SLC37A1: variants seen among roughly 807,000 people sequenced by gnomAD.
SLC37A1 encodes the protein glucose-6-phosphate exchanger SLC37A1.
SLC37A1 carries 49 observed loss-of-function variants against 75.3 expected under a neutral mutation model. The observed-to-expected ratio is 0.65, with a 90% CI of 0.52 to 0.83. The LOEUF (loss-of-function observed/expected upper bound fraction) is 0.83. Ranked by LOEUF, SLC37A1 falls within the 40% of genes least tolerant of loss-of-function variation. The pLI, the probability that SLC37A1 is intolerant of heterozygous loss-of-function variation, is 0.00. For missense variants in SLC37A1, 566 were observed against 695.0 expected, an observed-to-expected ratio of 0.81 and a Z score of 2.09; for synonymous variants, 268 against 292.1, an observed-to-expected ratio of 0.92 and a Z score of 0.84.
Position 42,547,160 on chromosome 21 carries a change from G to A in SLC37A1, c.768+20G>A. 6.2e-7 allele frequency: 1 copy of A among 1,614,150 alleles called. No individual in the cohort carries two copies. The stretch of plus-strand genomic sequence containing the variant: ...GTGACGGTAAGGACCCTGTTTTCTT[G>A]TCCTTTTCTAGAACAGTGTGCGGTT... On this transcript the variant is annotated intron_variant, in intron 9 of 19. Transcript: ENST00000352133. The surrounding 1 kb of genome is among the most constrained non-coding windows in gnomAD (Gnocchi z 6.1).
intron 6 of SLC37A1, 70 bp from the exon 7 acceptor site, chr21:42,542,334 T>C (rs1016225340): frequency 1.4e-6 from 2 of 1,407,660 alleles, no homozygotes; most frequent in African/African-American, 2.8e-5. Flanking sequence ...GCAAGCTCTG[T>C]GCACCTCCCT....
rs1569047824 is a variant in SLC37A1, at chr21:42,574,905, G to T, written c.1511G>T (p.Cys504Phe). ...VFYMLMFADACALLFLIRLIH... is the reference protein window; with the variant it reads ...VFYMLMFADAFALLFLIRLIH... ...TACATGCTGATGTTTGCAGATGCCT[G>T]TGCCTTACTGGTAAGTCGGCCTATT... is the stretch of plus-strand genomic sequence containing the variant. The change falls in exon 18 of 20, where the codon TGT becomes TTT. Residue 504 changes from cysteine to phenylalanine, a missense_variant. By Grantham distance (205) the Cys-to-Phe change is radical (BLOSUM62 -2). Transcript: ENST00000352133. The T allele has an allele frequency of 6.2e-7, 1 of 1,614,166 alleles. No homozygotes were observed. The highest frequency in any genetic ancestry group is 8.5e-7 in the Non-Finnish European group (1 of 1,180,010).
chr21:42,503,392 G>A (rs1442452835), intron 2 of SLC37A1, among the ~76,000 whole-genome samples: 1 of 151,628 alleles, frequency 6.6e-6, no homozygotes, highest in African/African-American at 2.4e-5. Flanking sequence ...TGGGAATACA[G>A]GTGCCTACCA....
At chr21:42,561,998 C>A in intron 11 of SLC37A1, 80 bp from the exon 12 acceptor site, 1 of 1,164,800 alleles carries the variant, frequency 8.6e-7, no homozygotes, top group South Asian at 1.2e-5. Flanking sequence ...GGAGCGAAGT[C>A]ATATTTAACT....
At position 42,554,060 on chromosome 21, in the gene SLC37A1, A is replaced by C; in HGVS notation, c.769-2A>C. ...CTCTAATGAAACTTTTTTTTTTACC[A>C]GCACTCAAAAGGCTATGAGAATGGT... On this transcript the variant is annotated splice_acceptor_variant, in intron 9 of 19. Transcript: ENST00000352133. LOFTEE classifies it high-confidence loss of function. The C allele has an allele frequency of 6.3e-7, 1 of 1,597,862 alleles. No individual in the cohort carries two copies. Among genetic ancestry groups the C allele is most frequent in the Non-Finnish European group, 8.5e-7 (1 of 1,174,138 alleles).
At chr21:42,559,334 C>A (rs970325367) in intron 11 of SLC37A1, among the ~76,000 whole-genome samples, 3 of 151,914 alleles carry the variant, frequency 2.0e-5, no homozygotes, top group African/African-American at 7.3e-5. Flanking sequence ...TTTAGAAATT[C>A]AGGTTCATAG....
chr21:42,514,281 GC>G lies in SLC37A1; in HGVS notation c.-614del, dbSNP rs1208304009. The G allele has an allele frequency of 6.6e-6, 1 of 151,568 alleles. No homozygotes were observed. Among genetic ancestry groups the G allele is most frequent in the Non-Finnish European group, 1.5e-5 (1 of 67,916 alleles). The allele number at this position is 151,568 out of a possible 1,614,324, so 9.4% of individuals were successfully genotyped here. ...TTCCGGGGAAGTGGAGGCAGAGGGAGCGGGCACGGGGCCGGCAGCCGCTCCA... is the reference window on the plus strand; with the variant it reads ...TTCCGGGGAAGTGGAGGCAGAGGGAGGGGCACGGGGCCGGCAGCCGCTCCA... On this transcript the variant is annotated 5_prime_UTR_variant, in exon 1 of 20. An upstream open reading frame in the 5' UTR loses its in-frame stop. Coordinates refer to ENST00000352133, the MANE Select transcript of SLC37A1 (RefSeq NM_001320537.2). This position sits in a 1 kb window ranked among gnomAD's most constrained non-coding sequence, Gnocchi z 4.8.
rs540599683 is a variant in SLC37A1 at position 42,580,631 on chromosome 21, G to A, written c.*271G>A. 5.1e-4 allele frequency: 218 copies of A among 429,852 alleles called. No individual in the cohort carries two copies. The highest frequency in any genetic ancestry group is 4.2e-3 in the African/African-American group (198 of 47,292). 26.6% of individuals were successfully genotyped at this position (429,852 alleles called of 1,614,324 possible). A position where few individuals can be genotyped will look rare whatever the true frequency, so the allele number is the denominator to read the frequency against. Reference sequence around the variant, plus strand: ...CCCGGCCGGCCCTGGCCTCACAGGCGTGTGCCCATGCAGCCACCCAAATGC... The same window carrying A: ...CCCGGCCGGCCCTGGCCTCACAGGCATGTGCCCATGCAGCCACCCAAATGC... On this transcript the variant is annotated 3_prime_UTR_variant, in exon 20 of 20. Transcript: ENST00000352133.
intron 9 of SLC37A1, among the ~76,000 whole-genome samples, chr21:42,551,834 T>G (rs2055566741): frequency 7.2e-6 from 1 of 139,012 alleles, no homozygotes; most frequent in African/African-American, 3.3e-5. Context: ...TTTTGTTTTG[T>G]TTTTTTGGTT....
chr21:42,519,213 G>T (rs1191055523), intron 2 of SLC37A1, among the ~76,000 whole-genome samples: 1 of 152,230 alleles, frequency 6.6e-6, no homozygotes, highest in African/African-American at 2.4e-5. Context: ...ATGTACGAGA[G>T]GTCATAGAAA....
Position 42,580,592 on chromosome 21 carries a change from C to A in SLC37A1, c.*232C>A. 1.9e-6 allele frequency: 1 copy of A among 530,374 alleles called. No homozygotes were observed. Among genetic ancestry groups the A allele is most frequent in the Non-Finnish European group, 3.3e-6 (1 of 302,024 alleles). The allele number at this position is 530,374 out of a possible 1,614,324, so 32.9% of individuals were successfully genotyped here. A position where few individuals can be genotyped will look rare whatever the true frequency, so the allele number is the denominator to read the frequency against. On this transcript the variant is annotated 3_prime_UTR_variant, in exon 20 of 20. Transcript: ENST00000352133. ...GCAGGAACTGCTGCCTGAGCCAAGC[C>A]AGAGAACCGAAGACCCGGCCGGCCC...
chr21:42,543,764 G>A lies in SLC37A1; in HGVS notation c.730+162G>A, dbSNP rs756496793. On this transcript the variant is annotated intron_variant, in intron 8 of 19. Coordinates refer to ENST00000352133, the MANE Select transcript of SLC37A1 (RefSeq NM_001320537.2). ...ACCAGGGAGACTTCCCCGGGGAGCC[G>A]GTTCTCTCCTGGTTTTGCTGGATTT... Among the ~76,000 whole-genome samples, 10 of 152,292 alleles carry A rather than the reference G, an allele frequency of 6.6e-5. 1 individual carries two copies. Among genetic ancestry groups the A allele is most frequent in the Non-Finnish European group, 1.0e-4 (7 of 68,012 alleles).
intron 3 of SLC37A1, among the ~76,000 whole-genome samples, chr21:42,531,398 A>G (rs1481637303): frequency 6.7e-6 from 1 of 148,708 alleles, no homozygotes; most frequent in African/African-American, 2.5e-5. Flanking sequence ...CCGCGTCTTC[A>G]CAGGGCCCAC....
intron 16 of SLC37A1, among the ~76,000 whole-genome samples, chr21:42,567,718 G>A (rs894186890): frequency 5.3e-5 from 8 of 152,132 alleles, no homozygotes; most frequent in Non-Finnish European, 1.0e-4. Flanking sequence ...CATTTTTATA[G>A]TTTTAGGCTT....
intron 14 of SLC37A1, among the ~76,000 whole-genome samples, chr21:42,565,456 C>A (rs1000504384): frequency 6.6e-6 from 1 of 152,242 alleles, no homozygotes; most frequent in African/African-American, 2.4e-5. Flanking sequence ...CTTGGGTGGG[C>A]CCCTTGCTGC....
At chr21:42,576,137 G>C (rs985661074) in intron 18 of SLC37A1, 1 of 190,742 alleles carries the variant, frequency 5.2e-6, no homozygotes, top group Middle Eastern at 2.7e-3. Context: ...CTGGGTAAGA[G>C]ACAAGGCGTT....
rs1307082356 is a variant in SLC37A1, at chr21:42,530,229, A to G, written c.138+4372A>G. Among the ~76,000 whole-genome samples, 6 of 152,350 alleles carry G rather than the reference A, an allele frequency of 3.9e-5. No homozygotes were observed. The East Asian group carries it at 9.6e-4, about 24-fold the overall frequency. On this transcript the variant is annotated intron_variant, in intron 3 of 19. Coordinates refer to ENST00000352133, the MANE Select transcript of SLC37A1 (RefSeq NM_001320537.2). ...GAAGTTAACATGTGCATAAGGATGT[A>G]TAGAATGATTCCATTTTTGAGAAGT...
At chr21:42,543,316 A>G (rs1015550901) in intron 7 of SLC37A1, 120 bp from the exon 8 acceptor site, 16 of 1,131,788 alleles carry the variant, frequency 1.4e-5, no homozygotes, top group East Asian at 7.0e-5. Flanking sequence ...CAGGGTCTGC[A>G]TGGCCCCCCG....
At chr21:42,571,644 C>T (rs1287857154) in intron 17 of SLC37A1, among the ~76,000 whole-genome samples, 2 of 152,076 alleles carry the variant, frequency 1.3e-5, no homozygotes, top group South Asian at 2.1e-4. Context: ...GCTCCTCTTA[C>T]GGAAGAGGGG....
Sources: allele counts gnomAD v4.1 joint callset (sites outside exome capture counted in the v4.1 genomes callset), GRCh38; gene constraint gnomAD v4.1.1; non-coding constraint Gnocchi (gnomAD v3.1); transcripts MANE v1.5; gene names NCBI Gene and HGNC (gene_info 2026-07-23, HGNC 2026-07-21).